Variants in GRAMD1B observed in about 807,000 individuals in gnomAD.
GRAMD1B encodes GRAM domain containing 1B, also known as protein Aster-B.
GRAMD1B carries 37 observed loss-of-function variants against 99.7 expected under a neutral mutation model. That is an observed-to-expected ratio of 0.37 (90% CI 0.29 to 0.49). GRAMD1B has a LOEUF of 0.49. Among genes scored for constraint, GRAMD1B ranks in the 20% least tolerant of loss-of-function variants. The probability of loss-of-function intolerance (pLI) is 0.98; values close to 1 mark genes in which losing one functional copy is unlikely to be tolerated. For missense variants in GRAMD1B, 888 were observed against 1,009.2 expected, an observed-to-expected ratio of 0.88 and a Z score of 1.63; for synonymous variants, 427 against 387.6, an observed-to-expected ratio of 1.10 and a Z score of -1.19.
chr11:123,387,071 T>G (rs1947090376), intron 1 of GRAMD1B, among the ~76,000 whole-genome samples: 2 of 152,210 alleles, frequency 1.3e-5, no homozygotes, highest in Admixed American at 6.5e-5. Flanking sequence ...GAGGGTCTTT[T>G]GGCAGAGACG....
intron 1 of GRAMD1B, among the ~76,000 whole-genome samples, chr11:123,422,333 C>T (rs1438127828): frequency 2.0e-5 from 3 of 152,198 alleles, no homozygotes; most frequent in African/African-American, 4.8e-5. Flanking sequence ...GAATTGTTTA[C>T]AGTTACTGCC....
At chr11:123,524,281 T>C (rs1027763960) in intron 2 of GRAMD1B, among the ~76,000 whole-genome samples, 2 of 151,210 alleles carry the variant, frequency 1.3e-5, no homozygotes, top group Non-Finnish European at 2.9e-5. Context: ...ACAAGTATGA[T>C]GACTGTTACC....
At chr11:123,368,037 C>T (rs201105594) in intron 1 of GRAMD1B, among the ~76,000 whole-genome samples, 1 of 151,870 alleles carries the variant, frequency 6.6e-6, no homozygotes, top group African/African-American at 2.4e-5. Context: ...AGGTGGATCA[C>T]GAGGTCAGGA....
intron 2 of GRAMD1B, among the ~76,000 whole-genome samples, chr11:123,496,870 AAATTTCTG>A (rs1379686573): frequency 6.6e-6 from 1 of 152,054 alleles, no homozygotes; most frequent in Non-Finnish European, 1.5e-5. Context: ...GTGCTATGTT[AAATTTCTG>A]AATTTCTTCA....
chr11:123,588,461 G>A (rs566782090), intron 4 of GRAMD1B, among the ~76,000 whole-genome samples: 17 of 152,274 alleles, frequency 1.1e-4, no homozygotes, highest in African/African-American at 3.9e-4. Flanking sequence ...TTACAGCTCA[G>A]GCAGCCACTT....
chr11:123,417,140 C>T (rs777163850), intron 1 of GRAMD1B, among the ~76,000 whole-genome samples: 5 of 152,112 alleles, frequency 3.3e-5, no homozygotes, highest in African/African-American at 9.7e-5. Flanking sequence ...TTTCGGAGGC[C>T]GAGATGGGCG....
chr11:123,410,273 C>CAA (rs879760200), intron 1 of GRAMD1B, among the ~76,000 whole-genome samples: 1 of 143,844 alleles, frequency 7.0e-6, no homozygotes, highest in African/African-American at 2.6e-5. Flanking sequence ...AACCAGATGC[C>CAA]AAAAAAAAAA....
intron 1 of GRAMD1B, among the ~76,000 whole-genome samples, chr11:123,456,490 T>G (rs896993884): frequency 5.9e-5 from 9 of 151,978 alleles, no homozygotes; most frequent in African/African-American, 1.9e-4. Flanking sequence ...AAGAAAAAAT[T>G]GGGGCCAAGT....
chr11:123,555,705 C>T (rs1282751236), intron 2 of GRAMD1B, among the ~76,000 whole-genome samples: 2 of 151,894 alleles, frequency 1.3e-5, no homozygotes, highest in African/African-American at 4.8e-5. Flanking sequence ...AGTACAGGCT[C>T]CTGATACTCA....
chr11:123,532,229 G>A (rs894038944), intron 2 of GRAMD1B, among the ~76,000 whole-genome samples: 4 of 152,180 alleles, frequency 2.6e-5, no homozygotes, highest in African/African-American at 4.8e-5. Context: ...TATCCTGCAT[G>A]TGGCAGGCAG....
chr11:123,600,987 C>T (rs751772060), intron 8 of GRAMD1B, among the ~76,000 whole-genome samples: 6 of 151,984 alleles, frequency 3.9e-5, no homozygotes, highest in African/African-American at 4.8e-5. Context: ...GCAAGCAGGC[C>T]GAGCAGGTCT....
At chr11:123,462,898 A>ATAAAT (rs1373246756) in intron 1 of GRAMD1B, among the ~76,000 whole-genome samples, 19 of 143,784 alleles carry the variant, frequency 1.3e-4, no homozygotes, top group African/African-American at 4.4e-4. Context: ...AATTAAAAAA[A>ATAAAT]AAAAAAAAAA....
chr11:123,405,342 G>A (rs1947819257), intron 1 of GRAMD1B, among the ~76,000 whole-genome samples: 1 of 152,108 alleles, frequency 6.6e-6, no homozygotes, highest in East Asian at 1.9e-4. Flanking sequence ...ACCCTTCTCT[G>A]CTCTTCATCT....
intron 1 of GRAMD1B, among the ~76,000 whole-genome samples, chr11:123,470,033 T>C (rs868383824): frequency 6.6e-6 from 1 of 152,104 alleles, no homozygotes; most frequent in Non-Finnish European, 1.5e-5. Flanking sequence ...TATGGGGAAA[T>C]AGAGTCATCT....
chr11:123,447,805 C>T (rs1949707471), intron 1 of GRAMD1B, among the ~76,000 whole-genome samples: 1 of 152,164 alleles, frequency 6.6e-6, no homozygotes, highest in Admixed American at 6.5e-5. Flanking sequence ...TTAGTGGAGG[C>T]TGGAAGAGTG....
chr11:123,532,681 G>C (rs567058598), intron 2 of GRAMD1B, among the ~76,000 whole-genome samples: 2 of 152,310 alleles, frequency 1.3e-5, no homozygotes, highest in East Asian at 3.9e-4. Context: ...ATTTTATACA[G>C]TTCTTCCAAA....
At chr11:123,387,383 A>G (rs181957108) in intron 1 of GRAMD1B, among the ~76,000 whole-genome samples, 4 of 152,256 alleles carry the variant, frequency 2.6e-5, no homozygotes, top group Admixed American at 2.6e-4. Context: ...ACACATGTAC[A>G]TGAGGCCCAG....
intron 2 of GRAMD1B, among the ~76,000 whole-genome samples, chr11:123,545,466 G>A (rs1320955368): frequency 1.3e-5 from 2 of 152,118 alleles, no homozygotes; most frequent in Non-Finnish European, 2.9e-5. Flanking sequence ...TCTGCCTGGG[G>A]CCCATGAATT....
chr11:123,584,605 AGAG>A (rs1341963324), intron 4 of GRAMD1B, among the ~76,000 whole-genome samples: 1 of 151,996 alleles, frequency 6.6e-6, no homozygotes, highest in Non-Finnish European at 1.5e-5. Context: ...CAACCCTAAA[AGAG>A]GAGACCAGTC....
Sources: allele counts gnomAD v4.1 joint callset (sites outside exome capture counted in the v4.1 genomes callset), GRCh38; gene constraint gnomAD v4.1.1; transcripts MANE v1.5; gene names NCBI Gene and HGNC (gene_info 2026-07-23, HGNC 2026-07-21).